Variants in GALNT2 observed in about 807,000 individuals in gnomAD.
GALNT2 encodes the protein UDP-GalNAc:polypeptide N-acetylgalactosaminyltransferase 2.
Under a neutral mutation model 81.4 loss-of-function variants are expected in GALNT2, and 31 were observed. The ratio of observed to expected loss-of-function variants is 0.38; its 90% confidence interval spans 0.29 to 0.51. The LOEUF (loss-of-function observed/expected upper bound fraction) is 0.51, where lower values mean the gene tolerates loss of function less well. GALNT2 is among the 20% of genes least tolerant of loss of function. The pLI is 0.87. For missense variants in GALNT2, 629 were observed against 765.7 expected, an observed-to-expected ratio of 0.82 and a Z score of 2.11; for synonymous variants, 303 against 287.4, an observed-to-expected ratio of 1.05 and a Z score of -0.55.
At position 230,280,866 on chromosome 1, in the gene GALNT2, T is replaced by G. The variant is rs1433360955; in HGVS notation, c.*1408T>G. 1 of 152,286 alleles carries G rather than the reference T, an allele frequency of 6.6e-6. No individual in the cohort carries two copies. The highest frequency in any genetic ancestry group is 1.5e-5 in the Non-Finnish European group (1 of 68,086). 9.4% of individuals were successfully genotyped at this position (152,286 alleles called of 1,614,324 possible). On this transcript the variant is annotated 3_prime_UTR_variant, in exon 16 of 16. Transcript: ENST00000366672. ...GGTCCTGTTAAACCACAGACAGTTATGAACTGAAAGTCATAACGGGGAGAG... is the reference window on the plus strand; with the variant it reads ...GGTCCTGTTAAACCACAGACAGTTAGGAACTGAAAGTCATAACGGGGAGAG...
At chr1:230,270,345 T>G (rs1428263065) in intron 14 of GALNT2, among the ~76,000 whole-genome samples, 1 of 152,252 alleles carries the variant, frequency 6.6e-6, no homozygotes, top group African/African-American at 2.4e-5. Context: ...GGGAGCACCT[T>G]ACTGCCTGGG....
chr1:230,075,204 C>T (rs1448053217), intron 1 of GALNT2, among the ~76,000 whole-genome samples: 5 of 142,220 alleles, frequency 3.5e-5, no homozygotes, highest in African/African-American at 7.6e-5. Context: ...CGGCTCACTG[C>T]AACCTCCGCC....
At chr1:230,143,700 C>A (rs906277479) in intron 1 of GALNT2, among the ~76,000 whole-genome samples, 2 of 152,228 alleles carry the variant, frequency 1.3e-5, no homozygotes, top group Non-Finnish European at 1.5e-5. Context: ...TTCTTCCAGG[C>A]CTCTGTTGCT....
At chr1:230,233,571 C>T (rs1337433593) in intron 3 of GALNT2, among the ~76,000 whole-genome samples, 3 of 152,130 alleles carry the variant, frequency 2.0e-5, no homozygotes, top group Non-Finnish European at 4.4e-5. Context: ...CGAGATTGTG[C>T]CTCTGCACTC....
chr1:230,166,958 C>G (rs1662622101), intron 1 of GALNT2, among the ~76,000 whole-genome samples: 1 of 152,170 alleles, frequency 6.6e-6, no homozygotes, highest in Admixed American at 6.5e-5. Context: ...TGTACCTGGG[C>G]TGTACTGCCA....
Position 230,236,044 on chromosome 1 carries a change from G to T in GALNT2, c.405G>T (p.Leu135=). The change falls in exon 4 of 16, where the codon CTG becomes CTT. Residue 135 remains leucine, a synonymous_variant. Transcript: ENST00000366672. Reference sequence around the variant, plus strand: ...AGCGGAAGCAGTGGCGGGTGGATCTGCCGGCCACCAGCGTGGTGATCACGT... The same window carrying T: ...AGCGGAAGCAGTGGCGGGTGGATCTTCCGGCCACCAGCGTGGTGATCACGT... The part of the protein sequence containing the change: ...QCQRKQWRVD[L]PATSVVITFH... 1 of 1,613,450 alleles carries T rather than the reference G, an allele frequency of 6.2e-7. No individual in the cohort carries two copies.
intron 1 of GALNT2, among the ~76,000 whole-genome samples, chr1:230,109,703 C>T (rs1442821309): frequency 6.6e-6 from 1 of 152,156 alleles, no homozygotes; most frequent in Non-Finnish European, 1.5e-5. Flanking sequence ...TGGCAGGTGC[C>T]TGTAATCCCA....
rs1273489757 is a variant in GALNT2, at chr1:230,255,308, A to T, written c.1100A>T (p.Tyr367Phe). 6.2e-7 allele frequency: 1 copy of T among 1,614,072 alleles called. No individual in the cohort carries two copies. The highest frequency in any genetic ancestry group is 1.3e-5 in the African/African-American group (1 of 74,928). Residue 367 changes from tyrosine (Y) to phenylalanine (F), a missense_variant, in exon 11 of 16, where the codon TAC becomes TTC. This residue lies in a region of GALNT2 where 360 missense variants were observed against 492.8 expected (regional missense o/e 0.73). Coordinates refer to ENST00000366672, the MANE Select transcript of GALNT2 (RefSeq NM_004481.5). ...VGHVFRKQHP[Y>F]TFPGGSGTVF... ...CACGTGTTCCGGAAGCAGCACCCCTACACGTTCCCGGGTGGCAGTGGCACT... is the reference window on the plus strand; with the variant it reads ...CACGTGTTCCGGAAGCAGCACCCCTTCACGTTCCCGGGTGGCAGTGGCACT...
At chr1:230,189,735 A>G (rs1558131627) in intron 2 of GALNT2, among the ~76,000 whole-genome samples, 1 of 152,234 alleles carries the variant, frequency 6.6e-6, no homozygotes, top group Non-Finnish European at 1.5e-5. Flanking sequence ...AGTGTTGTGC[A>G]GTCATCACCA....
chr1:230,276,313 A>G (rs1455247955), intron 15 of GALNT2, among the ~76,000 whole-genome samples: 1 of 152,102 alleles, frequency 6.6e-6, no homozygotes, highest in African/African-American at 2.4e-5. Context: ...AGTTAGTGTC[A>G]GGAATAGAAA....
At chr1:230,191,694 G>C (rs1449073182) in intron 2 of GALNT2, among the ~76,000 whole-genome samples, 1 of 152,156 alleles carries the variant, frequency 6.6e-6, no homozygotes, top group Non-Finnish European at 1.5e-5. Context: ...AAAATTTTTT[G>C]CAGAGACAGC....
intron 14 of GALNT2, 36 bp from the exon 15 acceptor site, chr1:230,274,409 C>T: frequency 6.2e-7 from 1 of 1,609,146 alleles, no homozygotes; most frequent in Admixed American, 1.7e-5. Flanking sequence ...CAGCCCGGTG[C>T]ATAGCACGCC....
At position 230,260,264 on chromosome 1, in the gene GALNT2, G is replaced by T. The variant is rs566953916; in HGVS notation, c.1137-2309G>T. ...ACAAGGAGGGCCTGGACAAAAGTGA[G>T]TCTCCCTCGGTGCCACTGTATCTGC... On this transcript the variant is annotated intron_variant, in intron 11 of 15. Transcript: ENST00000366672. 4.6e-5 allele frequency among the ~76,000 whole-genome samples: 7 copies of T among 152,308 alleles called. No individual in the cohort carries two copies. The South Asian group carries it at 1.5e-3, about 32-fold the overall frequency.
rs564681409 is a variant in GALNT2, at chr1:230,222,031, C to CTTTTTTTTTTTTTTTTTTTTTTTTTTT, written c.375-13970_375-13969insTTTTTTTTTTTTTTTTTTTTTTTTTTT. ...TTTATATACATTTCACTGCTTTTCTCTTTTTTTTTTTTTGAGACAGAGTCT... is the reference window on the plus strand; with the variant it reads ...TTTATATACATTTCACTGCTTTTCTCTTTTTTTTTTTTTTTTTTTTTTTTTTTTTTTTTTTTTTTTGAGACAGAGTCT... On this transcript the variant is annotated intron_variant, in intron 3 of 15. Transcript: ENST00000366672. 1.1e-3 allele frequency among the ~76,000 whole-genome samples: 105 copies of CTTTTTTTTTTTTTTTTTTTTTTTTTTT among 96,108 alleles called. 23 individuals carry two copies. Among genetic ancestry groups the CTTTTTTTTTTTTTTTTTTTTTTTTTTT allele is most frequent in the African/African-American group, 2.2e-3 (43 of 19,568 alleles). 63.1% of individuals were successfully genotyped at this position (96,108 alleles called of 152,430 possible). A position where few individuals can be genotyped will look rare whatever the true frequency, so the allele number is the denominator to read the frequency against.
In GALNT2 at chr1:230,275,191, AAAC is replaced by A. The variant is rs1666262391; in HGVS notation, c.1560+629_1560+631del. On this transcript the variant is annotated intron_variant, in intron 15 of 15. Transcript: ENST00000366672. The surrounding 1 kb of genome is among the most constrained non-coding windows in gnomAD (Gnocchi z 5.5). ...ATACCTGCCACATATATACATATAT[AAAC>A]ACCACATATATATACATATGCATGC... 6.6e-6 allele frequency among the ~76,000 whole-genome samples: 1 copy of A among 151,722 alleles called. No individual in the cohort carries two copies. Among genetic ancestry groups the A allele is most frequent in the African/African-American group, 2.4e-5 (1 of 41,270 alleles).
rs530505014 is a variant in GALNT2, at chr1:230,257,027, C to T, written c.1136+1683C>T. ...GGAGCAGATCCAGGCTGCTGAGGTGCGTTTGGCATATCAGCCAAATGGAAG... is the reference window on the plus strand; with the variant it reads ...GGAGCAGATCCAGGCTGCTGAGGTGTGTTTGGCATATCAGCCAAATGGAAG... On this transcript the variant is annotated intron_variant, in intron 11 of 15. Coordinates refer to ENST00000366672, the MANE Select transcript of GALNT2 (RefSeq NM_004481.5). This position sits in a 1 kb window ranked among gnomAD's most constrained non-coding sequence, Gnocchi z 4.6. Among the ~76,000 whole-genome samples the T allele has an allele frequency of 4.7e-4, 72 of 152,262 alleles. 1 individual carries two copies. The Middle Eastern group carries it at 0.01, about 22-fold the overall frequency.
intron 15 of GALNT2, among the ~76,000 whole-genome samples, chr1:230,278,266 C>T (rs1666349917): frequency 6.6e-6 from 1 of 151,798 alleles, no homozygotes; most frequent in African/African-American, 2.4e-5. Flanking sequence ...AACAGGCATG[C>T]ACCACCATGC....
intron 2 of GALNT2, among the ~76,000 whole-genome samples, chr1:230,185,307 C>CGCGCGCGT (rs773933372): frequency 1.6e-5 from 2 of 128,126 alleles, no homozygotes; most frequent in Non-Finnish European, 1.7e-5. Context: ...TGTGTGCGCG[C>CGCGCGCGT]GTGTGTGTGT....
At chr1:230,177,205 G>A (rs181216160) in intron 1 of GALNT2, among the ~76,000 whole-genome samples, 309 of 152,378 alleles carry the variant, frequency 2.0e-3, no homozygotes, top group Admixed American at 3.1e-3. Flanking sequence ...TACGTTTTAA[G>A]TAAAGAACCA....
Sources: gnomAD v4.1 joint callset for allele counts (sites outside exome capture counted in the v4.1 genomes callset) on GRCh38, gnomAD v4.1.1 for gene constraint, gnomAD v4.1.1 regional missense constraint, Gnocchi (gnomAD v3.1) non-coding constraint, MANE v1.5 for transcripts, NCBI Gene and HGNC (gene_info 2026-07-23, HGNC 2026-07-21) for gene names.